Variants in CRP observed in about 807,000 individuals in gnomAD.
The protein encoded by CRP is C-reactive protein, pentraxin-related.
CRP carries 6 observed loss-of-function variants against 3.0 expected under a neutral mutation model. That is an observed-to-expected ratio of 2.02 (90% confidence interval 1.11 to 3.99). CRP has a LOEUF of 3.99. Among genes scored for constraint, CRP ranks in the 30% most tolerant of loss-of-function variants. The pLI is 0.00. For synonymous variants in CRP, 130 were observed against 111.0 expected (o/e 1.17, Z -1.08); for missense variants, 297 against 271.0 (o/e 1.10, Z -0.67).
At position 159,713,973 on chromosome 1, in the gene CRP, C is replaced by G. The variant is rs151273324; in HGVS notation, c.227G>C (p.Arg76Thr). The G allele has an allele frequency of 1.2e-6, 2 of 1,613,694 alleles. No homozygotes were observed. The highest frequency in any genetic ancestry group is 1.7e-6 in the Non-Finnish European group (2 of 1,180,010). The change falls in exon 2 of 2, where the codon AGA becomes ACA. Residue 76 changes from arginine to threonine, a missense_variant. Coordinates refer to ENST00000255030, the MANE Select transcript of CRP (RefSeq NM_000567.3). ...AAATATGAGAATCTCATTGTCTTGT[C>G]TCTTGGTGGCATACGAGAAAATACT... ...GYSIFSYATK[R>T]QDNEILIFWS...
rs1415004501 is a variant in CRP, at chr1:159,714,542, G to T, written c.-57C>A. 3 of 1,593,230 alleles carry T rather than the reference G, an allele frequency of 1.9e-6. No individual in the cohort carries two copies. The highest frequency in any genetic ancestry group is 3.4e-5 in the Admixed American group (2 of 59,078). On this transcript the variant is annotated 5_prime_UTR_variant, in exon 1 of 2. Coordinates refer to ENST00000255030, the MANE Select transcript of CRP (RefSeq NM_000567.3). ...CTGAATTCACTCCTTTGGAAAAGAT[G>T]TATTCGGCTGAAAGTTCAGGGGCTA...
chr1:159,712,637 G>A lies in CRP; in HGVS notation c.*888C>T, dbSNP rs956668034. ...TCCAGATAGGGAGCTGGGGAGATGG[G>A]AGATGGGCTCCTCTGACAGGACACC... On this transcript the variant is annotated 3_prime_UTR_variant, in exon 2 of 2. Transcript: ENST00000255030. The A allele has an allele frequency of 2.0e-5, 3 of 152,302 alleles. No individual in the cohort carries two copies. The highest frequency in any genetic ancestry group is 4.4e-5 in the Non-Finnish European group (3 of 68,132). The allele number at this position is 152,302 out of a possible 1,614,324, so 9.4% of individuals were successfully genotyped here.
rs1351075744 is a variant in CRP, at chr1:159,712,969, A to C, written c.*556T>G. ...ACTGCGTGGTATTGCTGGGCTTCCC[A>C]TTTCAGGAGACCTGGGCCCAGCAGT... is the stretch of plus-strand genomic sequence containing the variant. On this transcript the variant is annotated 3_prime_UTR_variant, in exon 2 of 2. Coordinates refer to ENST00000255030, the MANE Select transcript of CRP (RefSeq NM_000567.3). 1 of 153,316 alleles carries C rather than the reference A, an allele frequency of 6.5e-6. No homozygotes were observed. The highest frequency in any genetic ancestry group is 1.5e-5 in the Non-Finnish European group (1 of 68,932). The allele number at this position is 153,316 out of a possible 1,614,324, so 9.5% of individuals were successfully genotyped here. A position where few individuals can be genotyped will look rare whatever the true frequency, so the allele number is the denominator to read the frequency against.
rs1258819012 is a variant in CRP, at chr1:159,712,741, T to G, written c.*784A>C. 6.6e-6 allele frequency: 1 copy of G among 152,122 alleles called. No individual in the cohort carries two copies. Among genetic ancestry groups the G allele is most frequent in the Non-Finnish European group, 1.5e-5 (1 of 68,032 alleles). 9.4% of individuals were successfully genotyped at this position (152,122 alleles called of 1,614,324 possible). A position where few individuals can be genotyped will look rare whatever the true frequency, so the allele number is the denominator to read the frequency against. On this transcript the variant is annotated 3_prime_UTR_variant, in exon 2 of 2. Transcript: ENST00000255030. ...AGAAAGAATTCACAGCCCCACAAGGTTCGTGTGGAAAAGGGGAGGAGTTTC... is the reference window on the plus strand; with the variant it reads ...AGAAAGAATTCACAGCCCCACAAGGGTCGTGTGGAAAAGGGGAGGAGTTTC...
In CRP at chr1:159,713,840, G is replaced by T. The variant is rs35661750; in HGVS notation, c.360C>A (p.Ser120=). The T allele has an allele frequency of 1.2e-6, 2 of 1,614,072 alleles. No individual in the cohort carries two copies. Among genetic ancestry groups the T allele is most frequent in the South Asian group, 1.1e-5 (1 of 91,074 alleles). The part of the protein sequence containing the change: ...APVHICTSWE[S]ASGIVEFWVD... ...CCCAGAACTCCACGATCCCTGAGGC[G>T]GACTCCCAGCTTGTACAAATGTGTA... The change falls in exon 2 of 2, where the codon TCC becomes TCA. Residue 120 remains serine (S), a synonymous_variant. Coordinates refer to ENST00000255030, the MANE Select transcript of CRP (RefSeq NM_000567.3).
intron 1 of CRP, 100 bp from the exon 2 acceptor site, chr1:159,714,238 C>A: frequency 7.0e-7 from 1 of 1,431,338 alleles, no homozygotes; most frequent in Non-Finnish European, 9.4e-7. Context: ...AACAGACTGA[C>A]CCCTTCTCCA....
At position 159,714,471 on chromosome 1, in the gene CRP, C is replaced by G. The variant is rs1660778817; in HGVS notation, c.15G>C (p.Leu5Phe). Residue 5 changes from leucine to phenylalanine, a missense_variant, in exon 1 of 2, where the codon TTG (leucine) becomes TTC (phenylalanine). Leu to Phe is a conservative substitution (Grantham distance 22). Coordinates refer to ENST00000255030, the MANE Select transcript of CRP (RefSeq NM_000567.3). The part of the protein sequence containing the change: MEKL[L>F]CFLVLTSLSH... Reference sequence around the variant, plus strand: ...AGAGGCTGGTCAAGACCAAGAAACACAACAGCTTCTCCATGGTCACGTCCT... The same window carrying G: ...AGAGGCTGGTCAAGACCAAGAAACAGAACAGCTTCTCCATGGTCACGTCCT... The G allele has an allele frequency of 6.2e-7, 1 of 1,613,590 alleles. No homozygotes were observed. Among genetic ancestry groups the G allele is most frequent in the Non-Finnish European group, 8.5e-7 (1 of 1,179,996 alleles).
Position 159,712,819 on chromosome 1 carries a change from T to C in CRP, c.*706A>G, listed in dbSNP as rs369348151. The C allele has an allele frequency of 2.6e-5, 4 of 152,246 alleles. No individual in the cohort carries two copies. The highest frequency in any genetic ancestry group is 9.6e-5 in the African/African-American group (4 of 41,460). 9.4% of individuals were successfully genotyped at this position (152,246 alleles called of 1,614,324 possible). A position where few individuals can be genotyped will look rare whatever the true frequency, so the allele number is the denominator to read the frequency against. Reference sequence around the variant, plus strand: ...ACTGCAAGCAAACAAAAACCAGTCATTTAAGTTCTTGGCAGTAACAACATA... The same window carrying C: ...ACTGCAAGCAAACAAAAACCAGTCACTTAAGTTCTTGGCAGTAACAACATA... On this transcript the variant is annotated 3_prime_UTR_variant, in exon 2 of 2. Transcript: ENST00000255030.
chr1:159,714,168 G>A, intron 1 of CRP, 30 bp from the exon 2 acceptor site: 1 of 1,591,936 alleles, frequency 6.3e-7, no homozygotes, highest in Non-Finnish European at 8.5e-7. Flanking sequence ...GCAAATGTGA[G>A]AGGTTTCTCA....
rs377014561 is a variant in CRP, at chr1:159,713,540, G to C, written c.660C>G (p.Pro220=). 6.4e-5 allele frequency: 103 copies of C among 1,610,710 alleles called. No individual in the cohort carries two copies. The highest frequency in any genetic ancestry group is 8.2e-5 in the Non-Finnish European group (97 of 1,178,250). ...CAGCTGGGCCTCAGGGCCACAGCTGGGGTTTGGTGAACACTTCGCCTTGCA... is the reference window on the plus strand; with the variant it reads ...CAGCTGGGCCTCAGGGCCACAGCTGCGGTTTGGTGAACACTTCGCCTTGCA... ...YEVQGEVFTK[P]QLWP Residue 220 remains proline (P), a synonymous_variant, in exon 2 of 2, where the codon CCC becomes CCG. Coordinates refer to ENST00000255030, the MANE Select transcript of CRP (RefSeq NM_000567.3).
In CRP at chr1:159,712,627, G is replaced by GGGGAGAT. The variant is rs1427150686; in HGVS notation, c.*891_*897dup. 1 of 152,344 alleles carries GGGGAGAT rather than the reference G, an allele frequency of 6.6e-6. No individual in the cohort carries two copies. The highest frequency in any genetic ancestry group is 1.5e-5 in the Non-Finnish European group (1 of 68,162). The allele number at this position is 152,344 out of a possible 1,614,324, so 9.4% of individuals were successfully genotyped here. On this transcript the variant is annotated 3_prime_UTR_variant, in exon 2 of 2. Transcript: ENST00000255030. The stretch of plus-strand genomic sequence containing the variant: ...CCAACTATCCTCCAGATAGGGAGCT[G>GGGGAGAT]GGGAGATGGGAGATGGGCTCCTCTG...
chr1:159,713,446 G>A lies in CRP; in HGVS notation c.*79C>T, dbSNP rs1159125245. ...TGGGAACCATGCAGTGTAAAAAAGC[G>A]GGAGGTACCAGAGACAGAGACGTGG... On this transcript the variant is annotated 3_prime_UTR_variant, in exon 2 of 2. Transcript: ENST00000255030. 36 of 1,514,936 alleles carry A rather than the reference G, an allele frequency of 2.4e-5. No homozygotes were observed. The South Asian group carries it at 2.4e-4, about 10-fold the overall frequency. 93.8% of individuals were successfully genotyped at this position (1,514,936 alleles called of 1,614,324 possible).
In CRP at chr1:159,713,365, A is replaced by T. The variant is rs1472516827; in HGVS notation, c.*160T>A. The T allele has an allele frequency of 2.4e-6, 2 of 831,676 alleles. No individual in the cohort carries two copies. Among genetic ancestry groups the T allele is most frequent in the Non-Finnish European group, 3.6e-6 (2 of 554,602 alleles). 51.5% of individuals were successfully genotyped at this position (831,676 alleles called of 1,614,324 possible). On this transcript the variant is annotated 3_prime_UTR_variant, in exon 2 of 2. Coordinates refer to ENST00000255030, the MANE Select transcript of CRP (RefSeq NM_000567.3). ...TTACCTCCATTCTCAGGCGCTGAGGAGGGTGGAGCAGGCCTGCAATGCATA... is the reference window on the plus strand; with the variant it reads ...TTACCTCCATTCTCAGGCGCTGAGGTGGGTGGAGCAGGCCTGCAATGCATA...
In CRP at chr1:159,713,405, C is replaced by A; in HGVS notation, c.*120G>T. The A allele has an allele frequency of 7.4e-7, 1 of 1,351,090 alleles. No individual in the cohort carries two copies. 83.7% of individuals were successfully genotyped at this position (1,351,090 alleles called of 1,614,324 possible). On this transcript the variant is annotated 3_prime_UTR_variant, in exon 2 of 2. Transcript: ENST00000255030. ...TGCAATGCATATAGGGGAACAAAGG[C>A]CCAGAGACAGAGACGTGGGAACCAT...
Position 159,713,822 on chromosome 1 carries a change from C to G in CRP, c.378G>C (p.Glu126Asp). ...CCCTGGGCTTCCCATCTACCCAGAA[C>G]TCCACGATCCCTGAGGCGGACTCCC... ...TSWESASGIVEFWVDGKPRVR... is the reference protein window; with the variant it reads ...TSWESASGIVDFWVDGKPRVR... Residue 126 changes from glutamate to aspartate, a missense_variant, in exon 2 of 2, where the codon GAG becomes GAC. Transcript: ENST00000255030. 1 of 1,614,176 alleles carries G rather than the reference C, an allele frequency of 6.2e-7. No homozygotes were observed. The highest frequency in any genetic ancestry group is 8.5e-7 in the Non-Finnish European group (1 of 1,180,034).
rs1406880029 is a variant in CRP at position 159,713,382 on chromosome 1, C to T, written c.*143G>A. On this transcript the variant is annotated 3_prime_UTR_variant, in exon 2 of 2. Transcript: ENST00000255030. Reference sequence around the variant, plus strand: ...CGCTGAGGAGGGTGGAGCAGGCCTGCAATGCATATAGGGGAACAAAGGCCC... The same window carrying T: ...CGCTGAGGAGGGTGGAGCAGGCCTGTAATGCATATAGGGGAACAAAGGCCC... 2.4e-5 allele frequency: 26 copies of T among 1,074,232 alleles called. No individual in the cohort carries two copies. The highest frequency in any genetic ancestry group is 1.3e-5 in the Non-Finnish European group (10 of 761,956). 66.5% of individuals were successfully genotyped at this position (1,074,232 alleles called of 1,614,324 possible).
At position 159,713,987 on chromosome 1, in the gene CRP, C is replaced by G; in HGVS notation, c.213G>C (p.Ser71=). 2 of 1,613,456 alleles carry G rather than the reference C, an allele frequency of 1.2e-6. No individual in the cohort carries two copies. Among genetic ancestry groups the G allele is most frequent in the Non-Finnish European group, 1.7e-6 (2 of 1,180,000 alleles). ...LSSTRGYSIF[S]YATKRQDNEI... is the part of the protein sequence containing the mutation. Reference sequence around the variant, plus strand: ...CATTGTCTTGTCTCTTGGTGGCATACGAGAAAATACTGTACCCACGGGTCG... The same window carrying G: ...CATTGTCTTGTCTCTTGGTGGCATAGGAGAAAATACTGTACCCACGGGTCG... Residue 71 remains serine (S), a synonymous_variant, in exon 2 of 2, where the codon TCG becomes TCC. Coordinates refer to ENST00000255030, the MANE Select transcript of CRP (RefSeq NM_000567.3).
At position 159,713,978 on chromosome 1, in the gene CRP, G is replaced by T; in HGVS notation, c.222C>A (p.Thr74=). 6.2e-7 allele frequency: 1 copy of T among 1,613,544 alleles called. No homozygotes were observed. The highest frequency in any genetic ancestry group is 8.5e-7 in the Non-Finnish European group (1 of 1,180,004). ...TRGYSIFSYA[T]KRQDNEILIF... ...TGAGAATCTCATTGTCTTGTCTCTT[G>T]GTGGCATACGAGAAAATACTGTACC... Residue 74 remains threonine (T), a synonymous_variant, in exon 2 of 2, where the codon ACC becomes ACA. Coordinates refer to ENST00000255030, the MANE Select transcript of CRP (RefSeq NM_000567.3).
In CRP at chr1:159,712,590, A is replaced by T. The variant is rs1660699113; in HGVS notation, c.*935T>A. 1 of 152,278 alleles carries T rather than the reference A, an allele frequency of 6.6e-6. No individual in the cohort carries two copies. The highest frequency in any genetic ancestry group is 2.4e-5 in the African/African-American group (1 of 41,452). 9.4% of individuals were successfully genotyped at this position (152,278 alleles called of 1,614,324 possible). The stretch of plus-strand genomic sequence containing the variant: ...AAGACTGTAGTTGGTCCTGCTAGGA[A>T]CACGTAACTATCCAACTATCCTCCA... On this transcript the variant is annotated 3_prime_UTR_variant, in exon 2 of 2. Transcript: ENST00000255030.
Sources: allele counts gnomAD v4.1 joint callset, GRCh38; gene constraint gnomAD v4.1.1; transcripts MANE v1.5; gene names NCBI Gene and HGNC (gene_info 2026-07-23, HGNC 2026-07-21).